Variants in PRH1 observed in about 807,000 individuals in gnomAD.
PRH1 encodes proline rich protein HaeIII subfamily 1, also known as salivary acidic proline-rich phosphoprotein 1/2.
Under a neutral mutation model 7.9 loss-of-function variants are expected in PRH1, and 7 were observed. The ratio of observed to expected loss-of-function variants is 0.89; its 90% CI spans 0.50 to 1.67. PRH1 has a LOEUF of 1.67. Among genes scored for constraint, PRH1 ranks in the 40% most tolerant of loss-of-function variants. The pLI is 0.00. For synonymous variants in PRH1, 45 were observed against 80.8 expected (o/e 0.56, Z 2.38); for missense variants, 109 against 223.6 (o/e 0.49, Z 3.27).
intron 1 of PRH1, among the ~76,000 whole-genome samples, chr12:11,122,790 T>C (rs987669623): frequency 2.5e-5 from 3 of 119,634 alleles, no homozygotes; most frequent in African/African-American, 8.4e-5. Context: ...TTAATAATTT[T>C]TATAACTAGA....
At chr12:10,942,751 T>C (rs1463728837) in intron 2 of PRH1, among the ~76,000 whole-genome samples, 3 of 152,196 alleles carry the variant, frequency 2.0e-5, no homozygotes, top group Non-Finnish European at 2.9e-5. Flanking sequence ...CTTCAAATTG[T>C]TCCAAAATTC....
intron 1 of PRH1, among the ~76,000 whole-genome samples, chr12:11,041,517 A>G (rs764949066): frequency 5.9e-5 from 9 of 152,178 alleles, no homozygotes; most frequent in Non-Finnish European, 1.0e-4. Context: ...GAAAAGCCTC[A>G]ATTCAATAAT....
upstream of PRH1, chr12:11,171,591 G>C (rs768798271): frequency 2.4e-5 from 30 of 1,227,890 alleles, no homozygotes; most frequent in Non-Finnish European, 2.8e-5. Flanking sequence ...CGGCCTCCGG[G>C]GCCAGCATGA....
At chr12:11,019,719 T>C (rs964273225) in intron 1 of PRH1, among the ~76,000 whole-genome samples, 1 of 152,290 alleles carries the variant, frequency 6.6e-6, no homozygotes, top group African/African-American at 2.4e-5. Flanking sequence ...GTTGCAAAGT[T>C]TGCTAGCTTT....
chr12:10,938,347 C>A (rs756618046), intron 2 of PRH1: 1 of 1,614,062 alleles, frequency 6.2e-7, no homozygotes, highest in South Asian at 1.1e-5. Flanking sequence ...AGGCCTGTCT[C>A]AGCTTCTTGT....
rs1949802841 is a variant in PRH1 at position 10,906,339 on chromosome 12, T to C, written c.-58-22064A>G. 2.6e-5 allele frequency among the ~76,000 whole-genome samples: 4 copies of C among 152,224 alleles called. No homozygotes were observed. The South Asian group carries it at 8.3e-4, about 31-fold the overall frequency. Reference sequence around the variant, plus strand: ...TGAAAGCAAAAAAAGTTAAAAATAATTTTCTTACAGGAAAATAGTTGATTA... The same window carrying C: ...TGAAAGCAAAAAAAGTTAAAAATAACTTTCTTACAGGAAAATAGTTGATTA... On this transcript the variant is annotated intron_variant, in intron 2 of 3. Transcript: ENST00000539853.
chr12:11,019,556 A>T (rs535484098), intron 1 of PRH1, among the ~76,000 whole-genome samples: 1 of 152,298 alleles, frequency 6.6e-6, no homozygotes, highest in Non-Finnish European at 1.5e-5. Flanking sequence ...AAAAATATAC[A>T]AATAATGTGT....
At chr12:11,005,908 T>C (rs1446822033) in intron 1 of PRH1, 1 of 152,148 alleles carries the variant, frequency 6.6e-6, no homozygotes, top group African/African-American at 2.4e-5. Flanking sequence ...TTAAAAAATA[T>C]GTATTTTCCA....
At chr12:11,155,849 T>C (rs371892290) in intron 1 of PRH1, among the ~76,000 whole-genome samples, 27 of 152,316 alleles carry the variant, frequency 1.8e-4, no homozygotes, top group Middle Eastern at 3.4e-3. Context: ...CTCTTGGATA[T>C]ATAGCTAGAG....
intron 1 of PRH1, among the ~76,000 whole-genome samples, chr12:11,013,931 G>T (rs796917400): frequency 2.5e-5 from 2 of 78,840 alleles, no homozygotes; most frequent in Non-Finnish European, 3.2e-5. Flanking sequence ...GTTTCACCAT[G>T]TTTCCCAGGT....
chr12:10,931,295 A>G (rs1041369360), intron 2 of PRH1: 93 of 1,005,232 alleles, frequency 9.3e-5, no homozygotes, highest in Non-Finnish European at 1.6e-5. Context: ...ACTATCTTCA[A>G]ATTACCTCTC....
At chr12:10,948,547 A>G (rs1950522274) in intron 2 of PRH1, among the ~76,000 whole-genome samples, 1 of 151,930 alleles carries the variant, frequency 6.6e-6, no homozygotes, top group African/African-American at 2.4e-5. Flanking sequence ...TGTGATTCTT[A>G]TTTTCCTTGG....
At chr12:11,113,252 C>A (rs2600344) in intron 1 of PRH1, among the ~76,000 whole-genome samples, 1 of 151,928 alleles carries the variant, frequency 6.6e-6, no homozygotes, top group South Asian at 2.1e-4. Context: ...GCCCGTGTAG[C>A]CAAGACAATC....
At chr12:10,934,921 A>C (rs1002780396) in intron 2 of PRH1, among the ~76,000 whole-genome samples, 9 of 152,224 alleles carry the variant, frequency 5.9e-5, no homozygotes, top group African/African-American at 2.2e-4. Context: ...TTGCATTAAA[A>C]TTCAATGGAT....
At chr12:10,909,128 C>T in intron 2 of PRH1, 1 of 1,613,856 alleles carries the variant, frequency 6.2e-7, no homozygotes, top group Non-Finnish European at 8.5e-7. Context: ...CCCAGATCAG[C>T]CCAATTCTGG....
At chr12:10,954,138 T>A (rs997861492) in intron 2 of PRH1, among the ~76,000 whole-genome samples, 1 of 152,248 alleles carries the variant, frequency 6.6e-6, no homozygotes, top group South Asian at 2.1e-4. Flanking sequence ...AGAAAGATCA[T>A]TATCAGCCAT....
chr12:10,931,690 A>G (rs915687574), intron 2 of PRH1, among the ~76,000 whole-genome samples: 1 of 152,208 alleles, frequency 6.6e-6, no homozygotes, highest in Non-Finnish European at 1.5e-5. Flanking sequence ...TTATTGCTAC[A>G]TAACTATATA....
At chr12:10,966,929 C>T (rs867886681) in intron 2 of PRH1, among the ~76,000 whole-genome samples, 4 of 152,202 alleles carry the variant, frequency 2.6e-5, no homozygotes, top group African/African-American at 9.6e-5. Flanking sequence ...TCCTGGCTAA[C>T]ACGGTGAAAC....
intron 1 of PRH1, among the ~76,000 whole-genome samples, chr12:11,148,213 T>C (rs1031100213): frequency 6.7e-6 from 1 of 149,170 alleles, no homozygotes; most frequent in Non-Finnish European, 1.5e-5. Flanking sequence ...TTTCTAGATA[T>C]ACAATCATGT....
Sources: allele counts gnomAD v4.1 joint callset (sites outside exome capture counted in the v4.1 genomes callset), GRCh38; gene constraint gnomAD v4.1.1; transcripts MANE v1.5; gene names NCBI Gene and HGNC (gene_info 2026-07-23, HGNC 2026-07-21).